Variants in FNDC3A observed in about 807,000 individuals in gnomAD.
FNDC3A encodes the protein fibronectin type-III domain-containing protein 3A.
In FNDC3A, 32 loss-of-function variants were observed where a neutral mutation model predicts 148.9. The ratio of observed to expected loss-of-function variants is 0.21; its 90% CI spans 0.16 to 0.29. FNDC3A has a LOEUF of 0.29. Among genes scored for constraint, FNDC3A ranks in the 10% least tolerant of loss-of-function variants. The pLI is 1.00. For missense variants in FNDC3A, 1,191 were observed against 1,452.8 expected, an observed-to-expected ratio of 0.82 and a Z score of 2.93; for synonymous variants, 472 against 473.6, an observed-to-expected ratio of 1.00 and a Z score of 0.04.
intron 23 of FNDC3A, among the ~76,000 whole-genome samples, chr13:49,199,464 A>T (rs956150497): frequency 2.0e-5 from 3 of 151,272 alleles, no homozygotes; most frequent in Non-Finnish European, 4.4e-5. Context: ...AGTAGCTGGG[A>T]CTACAGGTGC....
chr13:49,012,377 TG>T (rs1270433110), intron 2 of FNDC3A, among the ~76,000 whole-genome samples: 4 of 152,182 alleles, frequency 2.6e-5, no homozygotes, highest in African/African-American at 9.7e-5. Flanking sequence ...CCTCCCAAAG[TG>T]TATTTATGGA....
At chr13:49,152,419 G>A (rs1883360547) in intron 8 of FNDC3A, among the ~76,000 whole-genome samples, 1 of 151,890 alleles carries the variant, frequency 6.6e-6, no homozygotes, top group Non-Finnish European at 1.5e-5. Context: ...TTTTCATGGG[G>A]TTGATTTTTT....
chr13:48,977,794 T>C (rs1951629620), intron 1 of FNDC3A, among the ~76,000 whole-genome samples: 2 of 152,204 alleles, frequency 1.3e-5, no homozygotes, highest in Non-Finnish European at 2.9e-5. Context: ...TTAAATCTTA[T>C]ATTTAAATTT....
chr13:49,018,004 A>T (rs531444856), intron 2 of FNDC3A, among the ~76,000 whole-genome samples: 72 of 151,984 alleles, frequency 4.7e-4, no homozygotes, highest in Admixed American at 2.2e-3. Context: ...TTTTTGGGTA[A>T]CCCGACCCTT....
At chr13:49,188,679 C>A in intron 17 of FNDC3A, 46 bp downstream of exon 17, 1 of 1,262,202 alleles carries the variant, frequency 7.9e-7, no homozygotes, top group African/African-American at 1.5e-5. Flanking sequence ...TAAGTTTGGC[C>A]AAATGGGGTA....
intron 2 of FNDC3A, among the ~76,000 whole-genome samples, chr13:49,074,083 C>G (rs1048783312): frequency 1.3e-5 from 2 of 151,966 alleles, no homozygotes; most frequent in Admixed American, 1.3e-4. Context: ...AAAACCCTTT[C>G]TGTTACTTTT....
At chr13:49,121,878 G>T (rs1034863953) in intron 4 of FNDC3A, among the ~76,000 whole-genome samples, 2 of 152,084 alleles carry the variant, frequency 1.3e-5, no homozygotes, top group East Asian at 3.8e-4. Flanking sequence ...ACCAAAAAAA[G>T]CCCAGGACCA....
At chr13:49,206,441 A>G (rs1042659649) in intron 25 of FNDC3A, among the ~76,000 whole-genome samples, 2 of 152,204 alleles carry the variant, frequency 1.3e-5, no homozygotes, top group African/African-American at 4.8e-5. Context: ...TCACAAAAAA[A>G]AAATTTGCAA....
chr13:49,089,440 A>G (rs1879044037), intron 3 of FNDC3A, among the ~76,000 whole-genome samples: 1 of 152,232 alleles, frequency 6.6e-6, no homozygotes, highest in Non-Finnish European at 1.5e-5. Context: ...CTTTTAAGAA[A>G]GAGAGATTGT....
At chr13:48,985,812 G>A (rs78055035) in intron 1 of FNDC3A, among the ~76,000 whole-genome samples, 1,810 of 152,290 alleles carry the variant, frequency 0.012, 35 homozygotes, top group African/African-American at 0.039. Flanking sequence ...TAGGGATCAG[G>A]AAAGAGTTAA....
chr13:49,207,392 G>C lies in FNDC3A; in HGVS notation c.3594G>C (p.Lys1198Asn), dbSNP rs1237176022. The part of the protein sequence containing the change: ...IAFIIQYFVI[K>N] The stretch of plus-strand genomic sequence containing the variant: ...TTATCATTCAGTACTTTGTAATCAA[G>C]TGAAAATATAACTTTATTTTTTAAC... Residue 1198 changes from lysine to asparagine, a missense_variant, in exon 26 of 26, where the codon AAG becomes AAC. Transcript: ENST00000492622. 1.9e-6 allele frequency: 3 copies of C among 1,548,134 alleles called. No homozygotes were observed. The African/African-American group carries it at 4.1e-5, about 21-fold the overall frequency.
intron 7 of FNDC3A, among the ~76,000 whole-genome samples, chr13:49,140,257 G>A (rs1262606629): frequency 1.3e-5 from 2 of 152,134 alleles, no homozygotes; most frequent in African/African-American, 2.4e-5. Context: ...GATCCCTTGA[G>A]CCTAGGAGTT....
chr13:49,164,073 G>A (rs1238569753), intron 8 of FNDC3A, among the ~76,000 whole-genome samples: 4 of 152,224 alleles, frequency 2.6e-5, no homozygotes, highest in South Asian at 2.1e-4. Context: ...TGCTGTAGTC[G>A]TAATGCATTC....
At chr13:49,067,442 T>G (rs573961132) in intron 2 of FNDC3A, among the ~76,000 whole-genome samples, 17 of 152,336 alleles carry the variant, frequency 1.1e-4, no homozygotes, top group African/African-American at 4.1e-4. Flanking sequence ...CACAGAATTT[T>G]GAGGAATCAT....
chr13:49,134,027 C>T (rs1339850210), intron 5 of FNDC3A, among the ~76,000 whole-genome samples: 7 of 152,258 alleles, frequency 4.6e-5, no homozygotes, highest in Non-Finnish European at 5.9e-5. Flanking sequence ...TTTTACACTT[C>T]AGTGGTTTTT....
chr13:49,119,833 G>T (rs769412679), intron 4 of FNDC3A, among the ~76,000 whole-genome samples: 1 of 152,052 alleles, frequency 6.6e-6, no homozygotes, highest in Non-Finnish European at 1.5e-5. Context: ...AGAAATATGG[G>T]ACTATGTGAA....
At position 49,108,858 on chromosome 13, in the gene FNDC3A, C is replaced by G. The variant is rs141230478; in HGVS notation, c.176-5797C>G. Among the ~76,000 whole-genome samples, 20 of 152,268 alleles carry G rather than the reference C, an allele frequency of 1.3e-4. No individual in the cohort carries two copies. In the East Asian group the frequency reaches 3.9e-3, roughly 29 times the overall value. On this transcript the variant is annotated intron_variant, in intron 3 of 25. Coordinates refer to ENST00000492622, the MANE Select transcript of FNDC3A (RefSeq NM_001079673.2). ...CTTTTCATAGGAATTTTGAAGTTAA[C>G]AATTACCTTTCCCCACTTGTAAGAA...
At chr13:49,152,371 T>C (rs982719392) in intron 8 of FNDC3A, among the ~76,000 whole-genome samples, 2 of 152,252 alleles carry the variant, frequency 1.3e-5, no homozygotes, top group Non-Finnish European at 2.9e-5. Flanking sequence ...TGCATGAATG[T>C]CTTCTTTTGA....
chr13:49,010,984 A>T (rs1233197457), intron 2 of FNDC3A, among the ~76,000 whole-genome samples: 1 of 152,010 alleles, frequency 6.6e-6, no homozygotes, highest in Non-Finnish European at 1.5e-5. Context: ...TGTTCTTTTT[A>T]GTTTTCAGTA....
Sources: allele counts gnomAD v4.1 joint callset (sites outside exome capture counted in the v4.1 genomes callset), GRCh38; gene constraint gnomAD v4.1.1; transcripts MANE v1.5; gene names NCBI Gene and HGNC (gene_info 2026-07-23, HGNC 2026-07-21).